SGCZ: variants seen among roughly 807,000 people sequenced by gnomAD.
SGCZ encodes sarcoglycan zeta, also known as zeta-sarcoglycan.
A neutral mutation model predicts 41.3 loss-of-function variants in SGCZ; 40 were observed. The ratio of observed to expected loss-of-function variants is 0.97; its 90% CI spans 0.75 to 1.26. SGCZ has a LOEUF of 1.26. Ranked by LOEUF, SGCZ falls within the 50% of genes most tolerant of loss-of-function variation. The pLI is 0.00. For missense variants in SGCZ, 552 were observed against 369.8 expected (o/e 1.49, Z -4.04); for synonymous variants, 206 against 137.5 (o/e 1.50, Z -3.49).
chr8:14,528,963 G>C (rs977932413), intron 2 of SGCZ, among the ~76,000 whole-genome samples: 4 of 151,690 alleles, frequency 2.6e-5, no homozygotes. Context: ...AGATGAATCA[G>C]CTGAGACCTA....
At chr8:14,523,573 C>T (rs1802852605) in intron 2 of SGCZ, among the ~76,000 whole-genome samples, 1 of 151,820 alleles carries the variant, frequency 6.6e-6, no homozygotes, top group African/African-American at 2.4e-5. Context: ...GTGTTATTTC[C>T]CTCTTATTGC....
chr8:15,180,343 G>C (rs980200377), intron 1 of SGCZ, among the ~76,000 whole-genome samples: 1 of 152,104 alleles, frequency 6.6e-6, no homozygotes, highest in African/African-American at 2.4e-5. Flanking sequence ...AGCTACTGAA[G>C]ACACTTTAAC....
intron 1 of SGCZ, among the ~76,000 whole-genome samples, chr8:14,615,975 G>C (rs1453963653): frequency 1.3e-5 from 2 of 152,008 alleles, no homozygotes. Flanking sequence ...TCACTAATGG[G>C]TCATGATTGT....
chr8:14,182,039 T>C (rs887561496), intron 4 of SGCZ, among the ~76,000 whole-genome samples: 32 of 152,170 alleles, frequency 2.1e-4, no homozygotes, highest in Admixed American at 6.5e-5. Context: ...ATAAATATAG[T>C]TAGTTTCTCC....
At chr8:14,324,015 G>A in intron 3 of SGCZ, 88 bp downstream of exon 3, 1 of 784,624 alleles carries the variant, frequency 1.3e-6, no homozygotes, top group South Asian at 1.6e-5. Context: ...ACATGCTGAA[G>A]AGATAAGGGG....
chr8:14,720,350 T>C (rs866089308), intron 1 of SGCZ, among the ~76,000 whole-genome samples: 10 of 152,086 alleles, frequency 6.6e-5, no homozygotes, highest in Middle Eastern at 3.2e-3. Flanking sequence ...TAACTGTAAA[T>C]GATTTTTAAA....
intron 1 of SGCZ, among the ~76,000 whole-genome samples, chr8:14,738,748 T>C (rs138531759): frequency 0.012 from 1,854 of 152,186 alleles, 22 homozygotes; most frequent in Middle Eastern, 0.041. Flanking sequence ...AGTTGGTTGT[T>C]AAACTGCTTG....
intron 5 of SGCZ, among the ~76,000 whole-genome samples, chr8:14,114,428 G>T (rs551658491): frequency 1.3e-5 from 2 of 151,534 alleles, no homozygotes; most frequent in African/African-American, 4.8e-5. Context: ...GTCTTGGGAG[G>T]AAAGCAAAAA....
chr8:14,431,159 A>C (rs1014561859), intron 2 of SGCZ, among the ~76,000 whole-genome samples: 1 of 152,114 alleles, frequency 6.6e-6, no homozygotes, highest in Admixed American at 6.6e-5. Context: ...AAAATACCAC[A>C]ACCATTCTTC....
intron 7 of SGCZ, among the ~76,000 whole-genome samples, chr8:14,091,399 G>A (rs914461936): frequency 6.6e-6 from 1 of 151,976 alleles, no homozygotes; most frequent in Non-Finnish European, 1.5e-5. Context: ...CTAGATCCAT[G>A]AGGAATGTCT....
At chr8:14,141,654 A>C (rs920211730) in intron 5 of SGCZ, among the ~76,000 whole-genome samples, 1 of 152,232 alleles carries the variant, frequency 6.6e-6, no homozygotes, top group Non-Finnish European at 1.5e-5. Flanking sequence ...ATCATTAAAA[A>C]GTCGGGAAAC....
intron 2 of SGCZ, among the ~76,000 whole-genome samples, chr8:14,546,927 T>C (rs1803647228): frequency 6.6e-6 from 1 of 152,148 alleles, no homozygotes; most frequent in African/African-American, 2.4e-5. Context: ...TTCCCTAAGT[T>C]TCTGCCTTTT....
chr8:14,145,916 A>C (rs186162837), intron 5 of SGCZ, among the ~76,000 whole-genome samples: 1 of 152,310 alleles, frequency 6.6e-6, no homozygotes, highest in East Asian at 1.9e-4. Context: ...CAAAAGAATA[A>C]AAAACAATAT....
At chr8:14,399,529 A>T (rs1156885220) in intron 2 of SGCZ, among the ~76,000 whole-genome samples, 2 of 152,152 alleles carry the variant, frequency 1.3e-5, no homozygotes, top group African/African-American at 4.8e-5. Flanking sequence ...TAAAGAAAAA[A>T]AAGTCCCAGT....
intron 1 of SGCZ, among the ~76,000 whole-genome samples, chr8:14,875,228 A>T (rs911681723): frequency 6.6e-6 from 1 of 152,196 alleles, no homozygotes; most frequent in African/African-American, 2.4e-5. Flanking sequence ...ATGTCCTCAC[A>T]TGACAGAAGA....
At chr8:14,103,155 A>G (rs1345218188) in intron 6 of SGCZ, among the ~76,000 whole-genome samples, 1 of 152,214 alleles carries the variant, frequency 6.6e-6, no homozygotes, top group Non-Finnish European at 1.5e-5. Context: ...AGGGTAATAT[A>G]CAAGTACAAA....
intron 3 of SGCZ, among the ~76,000 whole-genome samples, chr8:14,246,902 T>C (rs1585275855): frequency 1.2e-5 from 1 of 84,016 alleles, no homozygotes; most frequent in Non-Finnish European, 2.2e-5. Flanking sequence ...AGAATGAGAC[T>C]CCATCTCAAA....
chr8:14,674,943 T>A (rs1372725511), intron 1 of SGCZ, among the ~76,000 whole-genome samples: 13 of 116,942 alleles, frequency 1.1e-4, no homozygotes, highest in African/African-American at 5.2e-4. Flanking sequence ...TTTTTTTTTT[T>A]TTTTTTTTTT....
chr8:14,491,078 T>C (rs1801828186), intron 2 of SGCZ, among the ~76,000 whole-genome samples: 2 of 152,338 alleles, frequency 1.3e-5, no homozygotes, highest in South Asian at 2.1e-4. Flanking sequence ...TGAATACTTC[T>C]TTCCAGCCCA....
Sources: allele counts gnomAD v4.1 joint callset (sites outside exome capture counted in the v4.1 genomes callset), GRCh38; gene constraint gnomAD v4.1.1; transcripts MANE v1.5; gene names NCBI Gene and HGNC (gene_info 2026-07-23, HGNC 2026-07-21).